PKHD1: variants seen among roughly 807,000 people sequenced by gnomAD.
PKHD1 encodes the protein fibrocystin.
In PKHD1, 291 loss-of-function variants were observed where a neutral mutation model predicts 412.0. That is an observed-to-expected ratio of 0.71 (90% confidence interval 0.64 to 0.78). The LOEUF is 0.78. PKHD1 is among the 30% of genes least tolerant of loss of function. PKHD1 has a pLI of 0.00. For missense variants in PKHD1, 4,825 were observed against 4,950.7 expected (o/e 0.97, Z 0.76); for synonymous variants, 1,777 against 1,821.5 (o/e 0.98, Z 0.62).
At chr6:51,835,737 C>T (rs1769091457) in intron 51 of PKHD1, among the ~76,000 whole-genome samples, 1 of 152,182 alleles carries the variant, frequency 6.6e-6, no homozygotes. Context: ...AGTCCTCTTA[C>T]CTCATTTACC....
chr6:51,850,256 T>C (rs1771953498), intron 49 of PKHD1, among the ~76,000 whole-genome samples: 1 of 152,228 alleles, frequency 6.6e-6, no homozygotes, highest in South Asian at 2.1e-4. Flanking sequence ...GGTCTATATG[T>C]CTGTTTTGGT....
rs761654750 is a variant in PKHD1 at position 52,026,037 on chromosome 6, G to T, written c.3773C>A (p.Pro1258His). Residue 1258 changes from proline to histidine, a missense_variant, in exon 32 of 67, where the codon CCC becomes CAC. Physicochemically the swap from Pro to His is moderately conservative, Grantham distance 77 (BLOSUM62 -2). Coordinates refer to ENST00000371117, the MANE Select transcript of PKHD1 (RefSeq NM_138694.4). ...TGGAACAGTGGGAGCGCCCGCATCG[G>T]GTATCTGGGGGGCTGGCAGGGTTTC... ...WCETLPAPQIPDAGAPTVPAA... is the reference protein window; with the variant it reads ...WCETLPAPQIHDAGAPTVPAA... 1 of 1,614,056 alleles carries T rather than the reference G, an allele frequency of 6.2e-7. No individual in the cohort carries two copies.
intron 55 of PKHD1, among the ~76,000 whole-genome samples, chr6:51,755,613 A>G (rs1228234499): frequency 6.6e-6 from 1 of 152,142 alleles, no homozygotes; most frequent in East Asian, 1.9e-4. Context: ...TCAGTCTTTC[A>G]CTGCCGCCTA....
At chr6:51,667,991 CT>C (rs1774147091) in intron 60 of PKHD1, among the ~76,000 whole-genome samples, 2 of 152,102 alleles carry the variant, frequency 1.3e-5, no homozygotes, top group South Asian at 4.1e-4. Context: ...ATGCCTCCAG[CT>C]TTGTTCTTTT....
chr6:51,904,384 C>G (rs540922357), intron 41 of PKHD1, among the ~76,000 whole-genome samples: 44 of 152,272 alleles, frequency 2.9e-4, no homozygotes, highest in East Asian at 1.2e-3. Flanking sequence ...ATGCCCTCAC[C>G]TTCCCTTGGA....
chr6:51,692,822 C>G (rs1411245812), intron 60 of PKHD1, among the ~76,000 whole-genome samples: 3 of 152,138 alleles, frequency 2.0e-5, no homozygotes, highest in Non-Finnish European at 4.4e-5. Flanking sequence ...TCTCAATCCA[C>G]TGACATCTAG....
chr6:51,721,382 A>G, intron 60 of PKHD1: 1 of 449,564 alleles, frequency 2.2e-6, no homozygotes, highest in Non-Finnish European at 2.9e-6. Flanking sequence ...TATATTATTA[A>G]TATACCAATA....
chr6:51,771,880 G>A (rs979949427), intron 55 of PKHD1, among the ~76,000 whole-genome samples: 2 of 150,776 alleles, frequency 1.3e-5, no homozygotes, highest in African/African-American at 4.9e-5. Flanking sequence ...CTTCCCACAT[G>A]TGATGGTGTA....
chr6:51,926,964 A>G (rs908608540), intron 37 of PKHD1, among the ~76,000 whole-genome samples: 1 of 152,204 alleles, frequency 6.6e-6, no homozygotes, highest in Non-Finnish European at 1.5e-5. Context: ...CAAGTATGCC[A>G]GGACCATGCT....
intron 35 of PKHD1, among the ~76,000 whole-genome samples, chr6:52,005,793 C>A (rs1189871986): frequency 6.6e-6 from 1 of 152,012 alleles, no homozygotes; most frequent in South Asian, 2.1e-4. Context: ...TATGTATTCA[C>A]GTATTGAAGG....
At chr6:51,673,245 G>C (rs1322535862) in intron 60 of PKHD1, among the ~76,000 whole-genome samples, 34 of 152,180 alleles carry the variant, frequency 2.2e-4, no homozygotes, top group Admixed American at 2.2e-3. Flanking sequence ...CCCAATTTTT[G>C]CCTCAGTTTC....
At chr6:51,917,565 T>C (rs971252086) in intron 37 of PKHD1, among the ~76,000 whole-genome samples, 1 of 152,126 alleles carries the variant, frequency 6.6e-6, no homozygotes, top group Non-Finnish European at 1.5e-5. Context: ...AGTGGTCCTT[T>C]CCAGGAATGC....
chr6:51,915,679 C>T (rs1036656183), intron 37 of PKHD1, among the ~76,000 whole-genome samples: 3 of 151,946 alleles, frequency 2.0e-5, no homozygotes, highest in African/African-American at 7.2e-5. Context: ...TGAAAGCCCA[C>T]ACCCTCAAAC....
intron 55 of PKHD1, among the ~76,000 whole-genome samples, chr6:51,762,900 ACT>A (rs1788281909): frequency 6.6e-6 from 1 of 152,080 alleles, no homozygotes; most frequent in Admixed American, 6.6e-5. Flanking sequence ...ATCAGGGAAC[ACT>A]GAGTGAAGGG....
intron 60 of PKHD1, among the ~76,000 whole-genome samples, chr6:51,705,603 G>C (rs1235935273): frequency 2.6e-5 from 4 of 152,070 alleles, no homozygotes; most frequent in Non-Finnish European, 5.9e-5. Context: ...ATTGATGACT[G>C]TTCCTCTCTG....
chr6:52,005,669 A>G (rs528658472), intron 35 of PKHD1, among the ~76,000 whole-genome samples: 22 of 152,238 alleles, frequency 1.4e-4, no homozygotes, highest in African/African-American at 5.3e-4. Flanking sequence ...AACACTTCCC[A>G]GAGTGAAGGC....
intron 46 of PKHD1, 47 bp from the exon 47 acceptor site, chr6:51,870,686 A>T: frequency 6.8e-7 from 1 of 1,464,304 alleles, no homozygotes; most frequent in Non-Finnish European, 9.6e-7. Context: ...AGAAAACTGG[A>T]CACATGAAAT....
chr6:51,812,907 T>G (rs1764913711), intron 52 of PKHD1, among the ~76,000 whole-genome samples: 2 of 152,206 alleles, frequency 1.3e-5, no homozygotes, highest in South Asian at 4.1e-4. Flanking sequence ...TCCTTTCTAT[T>G]GATTCCAGGT....
At chr6:52,056,014 G>A (rs1384488393) in intron 18 of PKHD1, among the ~76,000 whole-genome samples, 1 of 152,164 alleles carries the variant, frequency 6.6e-6, no homozygotes, top group Non-Finnish European at 1.5e-5. Flanking sequence ...TATTTTAGGG[G>A]CTGGATAATT....
Sources: allele counts gnomAD v4.1 joint callset (sites outside exome capture counted in the v4.1 genomes callset), GRCh38; gene constraint gnomAD v4.1.1; transcripts MANE v1.5; gene names NCBI Gene and HGNC (gene_info 2026-07-23, HGNC 2026-07-21).